The following OPA3 variants were observed in gnomAD, a reference collection of about 807,000 sequenced individuals.
OPA3 encodes the protein outer mitochondrial membrane lipid metabolism regulator OPA3.
OPA3 carries 6 observed loss-of-function variants against 4.0 expected under a neutral mutation model. The observed-to-expected ratio is 1.51, with a 90% confidence interval of 0.83 to 2.99. OPA3 has a LOEUF of 2.99. OPA3 is among the 30% of genes most tolerant of loss of function. The pLI, the probability that OPA3 is intolerant of heterozygous loss-of-function variation, is 0.00. For missense variants in OPA3, 235 were observed against 256.2 expected, an observed-to-expected ratio of 0.92 and a Z score of 0.56; for synonymous variants, 105 against 117.1, an observed-to-expected ratio of 0.90 and a Z score of 0.67.
intron 1 of OPA3, among the ~76,000 whole-genome samples, chr19:45,556,904 G>A (rs1233601729): frequency 1.3e-5 from 2 of 152,166 alleles, no homozygotes; most frequent in African/African-American, 4.8e-5. Flanking sequence ...GGGTCCCCCC[G>A]GGGCTCCGCC....
Position 45,529,404 on chromosome 19 carries a change from GGCATTGAAACCCATGATGC to G in OPA3, c.176_194del (p.Arg59ProfsTer7), listed in dbSNP as rs748633973. The stretch of plus-strand genomic sequence containing the variant: ...CCTCGTTCAGCGGCTTGATGGCAGC[GGCATTGAAACCCATGATGC>G]GCATTTTGGTCCGCATCTCCAGCCA... On this transcript the variant is annotated frameshift_variant, in exon 2 of 2. Coordinates refer to the OPA3 transcript ENST00000323060. LOFTEE classifies it low-confidence loss of function (END_TRUNC). 5.0e-6 allele frequency: 8 copies of G among 1,614,210 alleles called. No individual in the cohort carries two copies. The highest frequency in any genetic ancestry group is 6.8e-6 in the Non-Finnish European group (8 of 1,180,030).
intron 1 of OPA3, among the ~76,000 whole-genome samples, chr19:45,540,717 C>A (rs1969176388): frequency 6.6e-6 from 1 of 151,688 alleles, no homozygotes; most frequent in South Asian, 2.1e-4. Context: ...GCAGGAGAAT[C>A]ACTTGAACCT....
chr19:45,577,314 T>C lies in OPA3; in HGVS notation c.142+7309A>G, dbSNP rs75719685. 8.7e-3 allele frequency among the ~76,000 whole-genome samples: 1,322 copies of C among 152,330 alleles called. 11 individuals are homozygous for C. Among genetic ancestry groups the C allele is most frequent in the Non-Finnish European group, 0.013 (866 of 68,028 alleles). Reference sequence around the variant, plus strand: ...AAAGTATCTCAGCCAAAGGTACAGATACTGGATTTGCTGGTCAGCTCAGGA... The same window carrying C: ...AAAGTATCTCAGCCAAAGGTACAGACACTGGATTTGCTGGTCAGCTCAGGA... On this transcript the variant is annotated intron_variant, in intron 1 of 1. Transcript: ENST00000263275.
chr19:45,565,619 G>A (rs1340339959), intron 1 of OPA3, among the ~76,000 whole-genome samples: 1 of 152,112 alleles, frequency 6.6e-6, no homozygotes, highest in African/African-American at 2.4e-5. Flanking sequence ...GACAGAGTGA[G>A]ACTAACTTTT....
At chr19:45,535,762 C>CTTT (rs370775683) in intron 1 of OPA3, among the ~76,000 whole-genome samples, 1,457 of 122,882 alleles carry the variant, frequency 0.012, 37 homozygotes, top group African/African-American at 0.043. Flanking sequence ...TTTTTCTTTT[C>CTTT]TTTTTTTTTT....
intron 1 of OPA3, among the ~76,000 whole-genome samples, chr19:45,562,562 G>T (rs567344947): frequency 2.0e-5 from 3 of 150,994 alleles, no homozygotes; most frequent in Non-Finnish European, 2.9e-5. Context: ...GATGGCGCAC[G>T]CCTGTAATCT....
intron 1 of OPA3, chr19:45,529,579 T>C (rs1404146564): frequency 1.6e-6 from 2 of 1,251,042 alleles, no homozygotes; most frequent in Non-Finnish European, 2.3e-6. Context: ...GGACGCGTGC[T>C]GGCGGGGACG....
chr19:45,563,456 C>G (rs1369249162), intron 1 of OPA3, among the ~76,000 whole-genome samples: 1 of 151,188 alleles, frequency 6.6e-6, no homozygotes, highest in African/African-American at 2.5e-5. Flanking sequence ...CTGTGCCCAG[C>G]CTATGATAAC....
chr19:45,555,250 TC>T (rs1599966513), intron 1 of OPA3, among the ~76,000 whole-genome samples: 2 of 152,320 alleles, frequency 1.3e-5, no homozygotes, highest in East Asian at 3.9e-4. Context: ...TAGATGGAAT[TC>T]TGTGGGTATG....
downstream of OPA3, among the ~76,000 whole-genome samples, chr19:45,545,639 C>G (rs1452307997): frequency 6.6e-6 from 1 of 151,762 alleles, no homozygotes; most frequent in Admixed American, 6.6e-5. Context: ...AAAAGTTAGT[C>G]TTCATGCTGG....
downstream of OPA3, among the ~76,000 whole-genome samples, chr19:45,541,572 AT>A (rs989998667): frequency 3.3e-5 from 5 of 151,354 alleles, no homozygotes; most frequent in South Asian, 2.1e-4. Flanking sequence ...AATAAGAGAA[AT>A]TTTTTTTTGG....
intron 1 of OPA3, among the ~76,000 whole-genome samples, chr19:45,576,172 G>A (rs915807772): frequency 6.6e-6 from 1 of 152,096 alleles, no homozygotes. Flanking sequence ...GCAGGGAGCT[G>A]AGATCATGCC....
chr19:45,540,815 A>T (rs1181513067), intron 1 of OPA3, among the ~76,000 whole-genome samples: 1 of 151,962 alleles, frequency 6.6e-6, no homozygotes, highest in Non-Finnish European at 1.5e-5. Flanking sequence ...AAAAAAAACA[A>T]GCAAAAAAGC....
intron 1 of OPA3, among the ~76,000 whole-genome samples, chr19:45,539,988 T>C (rs1315507406): frequency 6.6e-6 from 1 of 152,146 alleles, no homozygotes; most frequent in African/African-American, 2.4e-5. Flanking sequence ...CATAACCATG[T>C]CAGTTTACTG....
chr19:45,566,570 G>A (rs1267740437), intron 1 of OPA3, among the ~76,000 whole-genome samples: 4 of 150,578 alleles, frequency 2.7e-5, no homozygotes, highest in Admixed American at 6.6e-5. Flanking sequence ...TCCTAGGTTC[G>A]AGTGATTCTC....
chr19:45,569,564 TAG>T (rs1969631112), intron 1 of OPA3, among the ~76,000 whole-genome samples: 1 of 151,962 alleles, frequency 6.6e-6, no homozygotes, highest in African/African-American at 2.4e-5. Context: ...CCACCTCCAT[TAG>T]AGTTTAGAAG....
intron 1 of OPA3, among the ~76,000 whole-genome samples, chr19:45,539,170 A>G (rs1245677195): frequency 1.3e-5 from 2 of 152,180 alleles, no homozygotes; most frequent in African/African-American, 4.8e-5. Context: ...GAGGATGACA[A>G]CTCGAGATGA....
intron 1 of OPA3, among the ~76,000 whole-genome samples, chr19:45,561,813 C>T (rs1215563686): frequency 6.6e-6 from 1 of 151,676 alleles, no homozygotes; most frequent in Non-Finnish European, 1.5e-5. Context: ...TGGTGGCAGG[C>T]ATCTGTAATC....
At position 45,573,749 on chromosome 19, in the gene OPA3, G is replaced by A. The variant is rs375685079; in HGVS notation, c.142+10874C>T. Among the ~76,000 whole-genome samples the A allele has an allele frequency of 1.2e-4, 19 of 152,234 alleles. No individual in the cohort carries two copies. In the East Asian group the frequency reaches 3.1e-3, roughly 25 times the overall value. Reference sequence around the variant, plus strand: ...AGAACTATGAGGTTAAGTGCTATTCGGTACAGAAAGGCAGAGGGACTCATG... The same window carrying A: ...AGAACTATGAGGTTAAGTGCTATTCAGTACAGAAAGGCAGAGGGACTCATG... On this transcript the variant is annotated intron_variant, in intron 1 of 1. Transcript: ENST00000263275.
Sources: gnomAD v4.1 joint callset for allele counts (sites outside exome capture counted in the v4.1 genomes callset) on GRCh38, gnomAD v4.1.1 for gene constraint, MANE v1.5 for transcripts, NCBI Gene and HGNC (gene_info 2026-07-23, HGNC 2026-07-21) for gene names.